The following BAHCC1 variants were observed in gnomAD, a reference collection of about 807,000 sequenced individuals.
The protein encoded by BAHCC1 is BAH domain and coiled-coil containing 1, also known as BAH and coiled-coil domain-containing protein 1.
Under a neutral mutation model 88.2 loss-of-function variants are expected in BAHCC1, and 43 were observed. That is an observed-to-expected ratio of 0.49 (90% CI 0.38 to 0.63). The LOEUF (loss-of-function observed/expected upper bound fraction) is 0.63, where lower values mean the gene tolerates loss of function less well. BAHCC1 is among the 20% of genes least tolerant of loss of function. BAHCC1 has a pLI of 0.00. For synonymous variants in BAHCC1, 1,510 were observed against 745.5 expected, an observed-to-expected ratio of 2.03 and a Z score of -16.71; for missense variants, 3,023 against 1,654.8, an observed-to-expected ratio of 1.83 and a Z score of -14.34.
chr17:81,461,036 C>T lies in BAHCC1; in HGVS notation c.6373C>T (p.Leu2125Phe), dbSNP rs782108711. The change falls in exon 26 of 28, where the codon CTC (leucine) becomes TTC (phenylalanine). Residue 2125 changes from leucine (L) to phenylalanine (F), a missense_variant. Leu to Phe is a conservative substitution (Grantham distance 22). Coordinates refer to ENST00000675386, the MANE Select transcript of BAHCC1 (RefSeq NM_001377448.1). ...GGGGGTGCTGCAGAACCTCTTCCAG[C>T]TCAACGGCAGCAGCAAGAAGCTGCG... ...GPGVLQNLFQ[L>F]NGSSKKLRAR... The T allele has an allele frequency of 1.3e-6, 1 of 772,898 alleles. No individual in the cohort carries two copies. Among genetic ancestry groups the T allele is most frequent in the Non-Finnish European group, 2.4e-6 (1 of 417,036 alleles). 47.9% of individuals were successfully genotyped at this position (772,898 alleles called of 1,614,324 possible). A position where few individuals can be genotyped will look rare whatever the true frequency, so the allele number is the denominator to read the frequency against.
intron 4 of BAHCC1, among the ~76,000 whole-genome samples, chr17:81,441,409 T>TC (rs2064412340): frequency 6.6e-6 from 1 of 152,162 alleles, no homozygotes; most frequent in Non-Finnish European, 1.5e-5. Context: ...ACGCCTGTAA[T>TC]CCCAGTACTT....
chr17:81,434,836 T>C lies in BAHCC1; in HGVS notation c.359-3534T>C, dbSNP rs950386188. On this transcript the variant is annotated intron_variant, in intron 3 of 27. Transcript: ENST00000675386. This position sits in a 1 kb window ranked among gnomAD's most constrained non-coding sequence, Gnocchi z 4.9. Reference sequence around the variant, plus strand: ...AGGGCAGGGCCTCGACGTGCGGGGCTGTTGGGAAAATGTGCTGTGTCAGAA... The same window carrying C: ...AGGGCAGGGCCTCGACGTGCGGGGCCGTTGGGAAAATGTGCTGTGTCAGAA... Among the ~76,000 whole-genome samples the C allele has an allele frequency of 6.6e-5, 10 of 151,878 alleles. No individual in the cohort carries two copies. Among genetic ancestry groups the C allele is most frequent in the Admixed American group, 3.3e-4 (5 of 15,274 alleles).
rs782396682 is a variant in BAHCC1, at chr17:81,452,875, C to G, written c.4445+24C>G. On this transcript the variant is annotated intron_variant, in intron 14 of 27. Transcript: ENST00000675386. ...AAGTGAGTCCTGGGCACTGGCATGG[C>G]AGGGCGCGTGTGGCCGGCCCTGGGC... The G allele has an allele frequency of 4.2e-6, 3 of 721,044 alleles. No individual in the cohort carries two copies. The African/African-American group carries it at 5.4e-5, about 13-fold the overall frequency. The allele number at this position is 721,044 out of a possible 1,614,324, so 44.7% of individuals were successfully genotyped here. A position where few individuals can be genotyped will look rare whatever the true frequency, so the allele number is the denominator to read the frequency against.
At chr17:81,460,749 C>G (rs368663662) in intron 25 of BAHCC1, 43 bp downstream of exon 25, 32 of 776,566 alleles carry the variant, frequency 4.1e-5, no homozygotes, top group Non-Finnish European at 7.0e-5. Context: ...GGGAAGGCAC[C>G]CTCTGGGGGC....
intron 6 of BAHCC1, 135 bp downstream of exon 6, chr17:81,444,052 T>TC (rs1237234956): frequency 9.5e-6 from 6 of 632,062 alleles, no homozygotes; most frequent in Non-Finnish European, 1.7e-5. Context: ...GGTGGGGTTC[T>TC]CCCCACCCCT....
intron 2 of BAHCC1, among the ~76,000 whole-genome samples, chr17:81,420,045 C>G (rs947571984): frequency 6.6e-6 from 1 of 152,122 alleles, no homozygotes; most frequent in Admixed American, 6.5e-5. Context: ...CAGGCCCAGC[C>G]TCTGCTGTGT....
In BAHCC1 at chr17:81,463,612, A is replaced by G; in HGVS notation, c.7622A>G (p.Asn2541Ser). ...KLGKRQCDGK[N>S]ALYQSCHEDE... The stretch of plus-strand genomic sequence containing the variant: ...ATGCCCCGCGCGCCTTGCCCCCAGA[A>G]TGCGCTGTACCAGTCCTGCCACGAG... The change falls in exon 28 of 28, where the codon AAT becomes AGT. Residue 2541 changes from asparagine (N) to serine (S), a missense_variant and splice_region_variant. Transcript: ENST00000675386. 1.3e-6 allele frequency: 1 copy of G among 779,552 alleles called. No individual in the cohort carries two copies. The highest frequency in any genetic ancestry group is 2.4e-6 in the Non-Finnish European group (1 of 417,862). 48.3% of individuals were successfully genotyped at this position (779,552 alleles called of 1,614,324 possible).
At chr17:81,460,211 C>T in intron 23 of BAHCC1, 66 bp from the exon 24 acceptor site, 2 of 702,406 alleles carry the variant, frequency 2.8e-6, no homozygotes, top group Middle Eastern at 3.4e-4. Flanking sequence ...GCTTTGGCAG[C>T]CCCGCCTCCC....
chr17:81,421,917 G>A, intron 2 of BAHCC1: 1 of 414,112 alleles, frequency 2.4e-6, no homozygotes, highest in Admixed American at 2.8e-5. Context: ...ATGTGATACT[G>A]GAGAAGGGTA....
chr17:81,431,346 T>C (rs1294184055), intron 3 of BAHCC1, among the ~76,000 whole-genome samples: 1 of 134,704 alleles, frequency 7.4e-6, no homozygotes, highest in African/African-American at 3.1e-5. Context: ...GCTGAGACTT[T>C]ATGCATAGCC....
At chr17:81,398,248 G>T (rs1295288593) in intron 1 of BAHCC1, among the ~76,000 whole-genome samples, 1 of 152,222 alleles carries the variant, frequency 6.6e-6, no homozygotes, top group East Asian at 1.9e-4. Context: ...CTGGGAGCAC[G>T]GTGGTGCACG....
intron 2 of BAHCC1, among the ~76,000 whole-genome samples, chr17:81,425,953 T>TGGTGATAATTGTG (rs2064187963): frequency 8.0e-6 from 1 of 125,350 alleles, no homozygotes; most frequent in Non-Finnish European, 1.7e-5. Flanking sequence ...ATGTGGTTGG[T>TGGTGATAATTGTG]GGTGATGTGG....
At chr17:81,423,080 C>G (rs1170711803) in intron 2 of BAHCC1, among the ~76,000 whole-genome samples, 1 of 152,118 alleles carries the variant, frequency 6.6e-6, no homozygotes, top group Non-Finnish European at 1.5e-5. Context: ...GCACCTTCAC[C>G]CCCTGCCCTG....
At chr17:81,405,887 T>C (rs2063872367) in intron 2 of BAHCC1, among the ~76,000 whole-genome samples, 1 of 152,148 alleles carries the variant, frequency 6.6e-6, no homozygotes, top group Non-Finnish European at 1.5e-5. Flanking sequence ...CCCAACCCCC[T>C]GAGCTCAGTA....
intron 23 of BAHCC1, 137 bp downstream of exon 23, chr17:81,459,741 T>C: frequency 3.0e-6 from 1 of 327,912 alleles, no homozygotes; most frequent in East Asian, 8.2e-5. Context: ...GACAATAAAA[T>C]GAGCTCCCCA....
chr17:81,424,682 T>C (rs1598470675), intron 2 of BAHCC1, among the ~76,000 whole-genome samples: 1 of 147,264 alleles, frequency 6.8e-6, no homozygotes, highest in Non-Finnish European at 1.5e-5. Context: ...GGGGGCATGG[T>C]GGTGGAGGTG....
chr17:81,404,186 C>T (rs143286356), intron 2 of BAHCC1, among the ~76,000 whole-genome samples: 125 of 152,258 alleles, frequency 8.2e-4, no homozygotes, highest in African/African-American at 2.8e-3. Context: ...TAAAAATACC[C>T]CTCAGAAACA....
At chr17:81,409,772 G>A (rs1304232430) in intron 2 of BAHCC1, among the ~76,000 whole-genome samples, 3 of 152,186 alleles carry the variant, frequency 2.0e-5, no homozygotes, top group Non-Finnish European at 4.4e-5. Context: ...CCACAGGCCG[G>A]CCCTGCAAGC....
chr17:81,451,488 T>C (rs1255309602), intron 11 of BAHCC1, among the ~76,000 whole-genome samples, 180 bp from the exon 12 acceptor site: 1 of 152,158 alleles, frequency 6.6e-6, no homozygotes, highest in Non-Finnish European at 1.5e-5. Context: ...CTCCCCAGCA[T>C]GCAGCAAAAC....
Sources: gnomAD v4.1 joint callset for allele counts (sites outside exome capture counted in the v4.1 genomes callset) on GRCh38, gnomAD v4.1.1 for gene constraint, Gnocchi (gnomAD v3.1) non-coding constraint, MANE v1.5 for transcripts, NCBI Gene and HGNC (gene_info 2026-07-23, HGNC 2026-07-21) for gene names.